The following NAV3 variants were observed in gnomAD, a reference collection of about 807,000 sequenced individuals.
NAV3 encodes the protein neuron navigator 3.
Under a neutral mutation model 244.7 loss-of-function variants are expected in NAV3, and 87 were observed. The observed-to-expected ratio is 0.36, with a 90% CI of 0.30 to 0.42. NAV3 has a LOEUF of 0.42. Ranked by LOEUF, NAV3 falls within the 20% of genes least tolerant of loss-of-function variation. The pLI is 1.00. For missense variants in NAV3, 2,663 were observed against 2,893.3 expected (o/e 0.92, Z 1.83); for synonymous variants, 1,126 against 1,042.2 (o/e 1.08, Z -1.55).
In NAV3 at chr12:78,117,158, CATATAT is replaced by C. The variant is rs377148138; in HGVS notation, c.2769+287_2769+292del. Among the ~76,000 whole-genome samples the C allele has an allele frequency of 5.9e-3, 417 of 70,316 alleles. 3 individuals are homozygous for C. The highest frequency in any genetic ancestry group is 8.9e-3 in the African/African-American group (166 of 18,656). 46.1% of individuals were successfully genotyped at this position (70,316 alleles called of 152,430 possible). A position where few individuals can be genotyped will look rare whatever the true frequency, so the allele number is the denominator to read the frequency against. On this transcript the variant is annotated intron_variant, in intron 13 of 39. Transcript: ENST00000397909. ...GCCAATTTTGAATAAACAGAAGCAG[CATATAT>C]ATATATATATATATATATATATATA...
Position 77,873,734 on chromosome 12 carries a change from ATG to A in NAV3, c.243+42040_243+42041del, listed in dbSNP as rs374693432. Among the ~76,000 whole-genome samples the A allele has an allele frequency of 8.8e-4, 75 of 85,292 alleles. 2 individuals are homozygous for A. The highest frequency in any genetic ancestry group is 1.5e-3 in the Non-Finnish European group (54 of 36,578). 56.0% of individuals were successfully genotyped at this position (85,292 alleles called of 152,430 possible). ...ACATGATTTGCTTATCTAAATACATATGTGTGTGTGTATATATATATATATAT... is the reference window on the plus strand; with the variant it reads ...ACATGATTTGCTTATCTAAATACATATGTGTGTGTATATATATATATATAT... On this transcript the variant is annotated intron_variant, in intron 1 of 39. Coordinates refer to ENST00000397909, the MANE Select transcript of NAV3 (RefSeq NM_001024383.2).
chr12:78,016,177 G>T (rs1302516423), intron 8 of NAV3, among the ~76,000 whole-genome samples: 1 of 151,556 alleles, frequency 6.6e-6, no homozygotes, highest in Non-Finnish European at 1.5e-5. Context: ...TGTATAGGGT[G>T]ATTTTAGAAA....
At chr12:78,042,476 C>T (rs1446510827) in intron 9 of NAV3, among the ~76,000 whole-genome samples, 1 of 152,216 alleles carries the variant, frequency 6.6e-6, no homozygotes, top group African/African-American at 2.4e-5. Context: ...TAATAAAAGA[C>T]TTCAAAAGCT....
intron 20 of NAV3, among the ~76,000 whole-genome samples, chr12:78,141,353 G>T (rs543113260): frequency 6.6e-6 from 1 of 152,100 alleles, no homozygotes; most frequent in East Asian, 1.9e-4. Flanking sequence ...TTATGAGTGA[G>T]TCTTTTTAGA....
At chr12:78,115,072 TATATG>T (rs1426438751) in intron 12 of NAV3, among the ~76,000 whole-genome samples, 5 of 152,220 alleles carry the variant, frequency 3.3e-5, no homozygotes, top group Admixed American at 6.5e-5. Flanking sequence ...TTGAAGTACA[TATATG>T]ATGTAGCTCT....
intron 2 of NAV3, among the ~76,000 whole-genome samples, chr12:77,646,685 G>C (rs1176629620): frequency 4.6e-5 from 7 of 152,090 alleles, no homozygotes; most frequent in Non-Finnish European, 8.8e-5. Context: ...GCGAGTCTGG[G>C]AGGAGTGCAA....
At chr12:77,581,444 TG>T (rs1869361024) in intron 2 of NAV3, among the ~76,000 whole-genome samples, 1 of 152,172 alleles carries the variant, frequency 6.6e-6, no homozygotes, top group African/African-American at 2.4e-5. Context: ...CACTGAATAG[TG>T]TAGTTGGTTA....
chr12:77,684,939 G>A (rs1002981027), intron 2 of NAV3, among the ~76,000 whole-genome samples: 10 of 152,062 alleles, frequency 6.6e-5, no homozygotes, highest in Admixed American at 2.6e-4. Flanking sequence ...ATTCCCTGTT[G>A]CTGACACCTT....
chr12:77,915,338 G>A (rs796177841), intron 1 of NAV3, among the ~76,000 whole-genome samples: 58 of 152,022 alleles, frequency 3.8e-4, no homozygotes, highest in African/African-American at 1.4e-3. Context: ...TTTATATAAT[G>A]GTAAAAATTC....
At chr12:77,596,776 C>T (rs1870187882) in intron 2 of NAV3, among the ~76,000 whole-genome samples, 1 of 151,976 alleles carries the variant, frequency 6.6e-6, no homozygotes, top group Non-Finnish European at 1.5e-5. Flanking sequence ...AAGGAGTGGG[C>T]TTGGGTGACT....
chr12:77,959,456 C>G (rs1891672499), intron 3 of NAV3, among the ~76,000 whole-genome samples: 1 of 151,946 alleles, frequency 6.6e-6, no homozygotes. Flanking sequence ...AGCATTGTTA[C>G]CCTCCATTAA....
chr12:77,896,974 G>A (rs2136851148), intron 1 of NAV3, among the ~76,000 whole-genome samples: 1 of 152,260 alleles, frequency 6.6e-6, no homozygotes, highest in Admixed American at 6.5e-5. Context: ...GTACCTCCCT[G>A]ATCAAAGTGT....
At chr12:77,609,486 A>G (rs376468946) in intron 2 of NAV3, among the ~76,000 whole-genome samples, 2 of 152,184 alleles carry the variant, frequency 1.3e-5, no homozygotes, top group African/African-American at 2.4e-5. Flanking sequence ...AGAGCATTGT[A>G]TCTACCTCAG....
chr12:78,188,432 C>A (rs1958823622), intron 32 of NAV3, 89 bp downstream of exon 32: 2 of 1,234,526 alleles, frequency 1.6e-6, no homozygotes, highest in Non-Finnish European at 1.1e-6. Context: ...GACACATCTT[C>A]TTTTCCTCTC....
intron 2 of NAV3, among the ~76,000 whole-genome samples, chr12:77,610,849 G>A (rs1870880160): frequency 6.6e-6 from 1 of 151,872 alleles, no homozygotes; most frequent in South Asian, 2.1e-4. Context: ...TATTTTAAGA[G>A]TCCGTGTATG....
chr12:77,843,566 T>A (rs1171787986), intron 1 of NAV3, among the ~76,000 whole-genome samples: 1 of 152,056 alleles, frequency 6.6e-6, no homozygotes, highest in Non-Finnish European at 1.5e-5. Flanking sequence ...GGTGTCTTTT[T>A]AGGTTCTTTT....
At chr12:78,084,346 C>T (rs1414136921) in intron 12 of NAV3, among the ~76,000 whole-genome samples, 4 of 152,148 alleles carry the variant, frequency 2.6e-5, no homozygotes, top group East Asian at 3.9e-4. Flanking sequence ...TGAACTGTCT[C>T]AGTTAAATAT....
At chr12:78,025,105 C>G (rs994357902) in intron 9 of NAV3, among the ~76,000 whole-genome samples, 2 of 152,158 alleles carry the variant, frequency 1.3e-5, no homozygotes, top group Non-Finnish European at 2.9e-5. Flanking sequence ...GTCTCTTAGG[C>G]TTTTAGCCCC....
chr12:78,082,202 A>G (rs1368342267), intron 12 of NAV3, among the ~76,000 whole-genome samples: 1 of 152,186 alleles, frequency 6.6e-6, no homozygotes, highest in Non-Finnish European at 1.5e-5. Context: ...CTCCCCAGCC[A>G]TGTGGAACTG....
Sources: allele counts gnomAD v4.1 joint callset (sites outside exome capture counted in the v4.1 genomes callset), GRCh38; gene constraint gnomAD v4.1.1; transcripts MANE v1.5; gene names NCBI Gene and HGNC (gene_info 2026-07-23, HGNC 2026-07-21).